The following WDR37 variants were observed in gnomAD, a reference collection of about 807,000 sequenced individuals.
WDR37 encodes the protein WD repeat-containing protein 37.
A neutral mutation model predicts 62.9 loss-of-function variants in WDR37; 19 were observed. That is an observed-to-expected ratio of 0.30 (90% CI 0.21 to 0.44). The LOEUF is 0.44. Among genes scored for constraint, WDR37 ranks in the 20% least tolerant of loss-of-function variants. The pLI is 1.00. For missense variants in WDR37, 474 were observed against 657.6 expected, an observed-to-expected ratio of 0.72 and a Z score of 3.05; for synonymous variants, 250 against 260.9, an observed-to-expected ratio of 0.96 and a Z score of 0.40.
intron 1 of WDR37, among the ~76,000 whole-genome samples, chr10:1,062,682 A>G (rs938190837): frequency 6.6e-6 from 1 of 152,238 alleles, no homozygotes; most frequent in Non-Finnish European, 1.5e-5. Context: ...ACACATATGC[A>G]ATTTGAGAAT....
intron 2 of WDR37, among the ~76,000 whole-genome samples, chr10:1,072,877 G>A (rs887804505): frequency 3.9e-5 from 6 of 152,022 alleles, no homozygotes; most frequent in Non-Finnish European, 5.9e-5. Context: ...ACAGGCTTGC[G>A]GACAGTACAA....
intron 1 of WDR37, among the ~76,000 whole-genome samples, chr10:1,058,489 C>T (rs1337467939): frequency 1.3e-5 from 2 of 152,152 alleles, no homozygotes; most frequent in African/African-American, 4.8e-5. Flanking sequence ...TCATATTTAT[C>T]CTGTCTTATT....
At chr10:1,097,244 A>G (rs999239970) in intron 9 of WDR37, among the ~76,000 whole-genome samples, 4 of 152,200 alleles carry the variant, frequency 2.6e-5, no homozygotes, top group Non-Finnish European at 5.9e-5. Context: ...GAGCACATGC[A>G]GGGTTTGTCT....
At chr10:1,086,178 C>A in intron 6 of WDR37, 108 bp from the exon 7 acceptor site, 2 of 798,958 alleles carry the variant, frequency 2.5e-6, no homozygotes, top group Non-Finnish European at 4.2e-6. Context: ...GAAGAGATAT[C>A]AGTGGTCGTG....
At chr10:1,059,640 T>G (rs963350265) in intron 1 of WDR37, among the ~76,000 whole-genome samples, 37 of 150,878 alleles carry the variant, frequency 2.5e-4, no homozygotes, top group African/African-American at 9.0e-4. Context: ...CTACTGAAAA[T>G]ACAAAAAATT....
rs376873985 is a variant in WDR37, at chr10:1,086,224, T to C, written c.533-62T>C. The C allele has an allele frequency of 1.4e-5, 20 of 1,396,780 alleles. No individual in the cohort carries two copies. In the East Asian group the frequency reaches 1.6e-4, roughly 11 times the overall value. 86.5% of individuals were successfully genotyped at this position (1,396,780 alleles called of 1,614,324 possible). On this transcript the variant is annotated intron_variant, in intron 6 of 13. Coordinates refer to ENST00000263150, the MANE Select transcript of WDR37 (RefSeq NM_014023.4). ...TTTTTAGAGTATTTGTCTTATTCTT[T>C]CATTTGAAAAACTATAAACTGATGA...
At position 1,080,035 on chromosome 10, in the gene WDR37, A is replaced by G. The variant is rs200894877; in HGVS notation, c.260A>G (p.Asn87Ser). The G allele has an allele frequency of 1.7e-5, 28 of 1,614,012 alleles. No individual in the cohort carries two copies. Among genetic ancestry groups the G allele is most frequent in the Non-Finnish European group, 5.9e-6 (7 of 1,180,014 alleles). The change falls in exon 4 of 14, where the codon AAT becomes AGT. Residue 87 changes from asparagine to serine, a missense_variant. Coordinates refer to ENST00000263150, the MANE Select transcript of WDR37 (RefSeq NM_014023.4). The part of the protein sequence containing the change: ...LELRREIDTL[N>S]ERLAAEGQAI... ...GTACGTAGAGAAATCGACACTCTTAATGAACGTTTAGCTGCTGAAGGACAA... is the reference window on the plus strand; with the variant it reads ...GTACGTAGAGAAATCGACACTCTTAGTGAACGTTTAGCTGCTGAAGGACAA...
At chr10:1,095,573 C>T (rs1435538169) in intron 8 of WDR37, among the ~76,000 whole-genome samples, 1 of 152,176 alleles carries the variant, frequency 6.6e-6, no homozygotes, top group Non-Finnish European at 1.5e-5. Flanking sequence ...AGGTGGAAGC[C>T]AGCCTGCCCG....
At chr10:1,115,732 C>T (rs909313852) in intron 11 of WDR37, among the ~76,000 whole-genome samples, 5 of 152,170 alleles carry the variant, frequency 3.3e-5, no homozygotes, top group Non-Finnish European at 7.3e-5. Context: ...AGTTTGCTTT[C>T]CACTTTCAGA....
intron 8 of WDR37, among the ~76,000 whole-genome samples, chr10:1,094,595 G>T (rs1834505924): frequency 6.6e-6 from 1 of 152,216 alleles, no homozygotes. Context: ...ACCTTACGAA[G>T]TTGGCGGTTT....
At chr10:1,065,435 A>G (rs1833505302) in intron 1 of WDR37, among the ~76,000 whole-genome samples, 1 of 152,210 alleles carries the variant, frequency 6.6e-6, no homozygotes, top group Non-Finnish European at 1.5e-5. Context: ...TAAATATGAA[A>G]TTATAAAAAA....
rs74117701 is a variant in WDR37, at chr10:1,069,818, A to G, written c.-40-2298A>G. On this transcript the variant is annotated intron_variant, in intron 1 of 13. Transcript: ENST00000263150. ...GTTGGTTTAGTGAAATTAACTAACA[A>G]ATTAACAGATTGTACTGTAATGATG... 8.9e-3 allele frequency among the ~76,000 whole-genome samples: 1,350 copies of G among 152,322 alleles called. 13 individuals carry two copies. Among genetic ancestry groups the G allele is most frequent in the African/African-American group, 0.021 (870 of 41,572 alleles).
intron 1 of WDR37, among the ~76,000 whole-genome samples, chr10:1,067,540 A>G (rs1345583514): frequency 6.6e-6 from 1 of 152,266 alleles, no homozygotes; most frequent in Non-Finnish European, 1.5e-5. Flanking sequence ...TTCATACTAT[A>G]GAGTATGTAA....
At chr10:1,124,439 A>G in intron 12 of WDR37, 87 bp downstream of exon 12, 1 of 1,564,056 alleles carries the variant, frequency 6.4e-7, no homozygotes, top group East Asian at 2.2e-5. Context: ...TGGAGGTTTA[A>G]TTGATAGAAC....
At chr10:1,111,938 G>A (rs1835229822) in intron 11 of WDR37, among the ~76,000 whole-genome samples, 1 of 150,678 alleles carries the variant, frequency 6.6e-6, no homozygotes. Flanking sequence ...GTCTCGCTCT[G>A]TTGCCCAGGC....
At chr10:1,072,350 G>T in intron 2 of WDR37, 57 bp downstream of exon 2, 2 of 1,596,196 alleles carry the variant, frequency 1.3e-6, no homozygotes, top group East Asian at 2.3e-5. Context: ...ACAGAGTTTC[G>T]CTCGTTTCCC....
At chr10:1,072,330 G>A in intron 2 of WDR37, 37 bp downstream of exon 2, 2 of 1,603,168 alleles carry the variant, frequency 1.2e-6, no homozygotes, top group Non-Finnish European at 1.7e-6. Context: ...TTGATTGATT[G>A]ATTTTTGAGA....
At chr10:1,093,382 A>G (rs1219388984) in intron 7 of WDR37, 70 bp from the exon 8 acceptor site, 17 of 1,230,316 alleles carry the variant, frequency 1.4e-5, no homozygotes, top group Non-Finnish European at 2.0e-5. Context: ...AATACACGCT[A>G]TAGCTAATAA....
In WDR37 at chr10:1,132,142, G is replaced by A. The variant is rs1302385437; in HGVS notation, c.*2798G>A. ...ATTGCAATATGAAATTCATTAAAAT[G>A]TCCATGTTCCATAATTACTATTATA... On this transcript the variant is annotated 3_prime_UTR_variant, in exon 14 of 14. Coordinates refer to ENST00000263150, the MANE Select transcript of WDR37 (RefSeq NM_014023.4). 6.6e-6 allele frequency: 1 copy of A among 152,598 alleles called. No homozygotes were observed. Among genetic ancestry groups the A allele is most frequent in the Non-Finnish European group, 1.5e-5 (1 of 68,046 alleles). The allele number at this position is 152,598 out of a possible 1,614,324, so 9.5% of individuals were successfully genotyped here.
Sources: allele counts gnomAD v4.1 joint callset (sites outside exome capture counted in the v4.1 genomes callset), GRCh38; gene constraint gnomAD v4.1.1; transcripts MANE v1.5; gene names NCBI Gene and HGNC (gene_info 2026-07-23, HGNC 2026-07-21).